The following BBS7 variants were observed in gnomAD, a reference collection of about 807,000 sequenced individuals.
BBS7 encodes BBSome complex member BBS7.
Under a neutral mutation model 90.3 loss-of-function variants are expected in BBS7, and 50 were observed. The ratio of observed to expected loss-of-function variants is 0.55; its 90% CI spans 0.44 to 0.70. The LOEUF (loss-of-function observed/expected upper bound fraction) is 0.70. Among genes scored for constraint, BBS7 ranks in the 30% least tolerant of loss-of-function variants. The probability of loss-of-function intolerance (pLI) is 0.00; values close to 1 mark genes in which losing one functional copy is unlikely to be tolerated. For synonymous variants in BBS7, 235 were observed against 287.4 expected, an observed-to-expected ratio of 0.82 and a Z score of 1.85; for missense variants, 729 against 838.9, an observed-to-expected ratio of 0.87 and a Z score of 1.62.
intron 15 of BBS7, among the ~76,000 whole-genome samples, chr4:121,829,982 T>C (rs1396376923): frequency 6.6e-6 from 1 of 152,280 alleles, no homozygotes; most frequent in African/African-American, 2.4e-5. Flanking sequence ...TGCTTGCATT[T>C]GGTTCCTTTT....
intron 15 of BBS7, 84 bp downstream of exon 15, chr4:121,833,147 C>G: frequency 7.4e-7 from 1 of 1,344,060 alleles, no homozygotes; most frequent in South Asian, 1.2e-5. Context: ...AGATTACTCA[C>G]AAATAACTCC....
intron 15 of BBS7, among the ~76,000 whole-genome samples, chr4:121,831,547 GA>G (rs1446212649): frequency 1.4e-4 from 21 of 151,986 alleles, no homozygotes; most frequent in African/African-American, 5.1e-4. Flanking sequence ...GACACAGAAT[GA>G]TAAAAGAGCA....
intron 5 of BBS7, 30 bp from the exon 6 acceptor site, chr4:121,855,591 A>G (rs1467089775): frequency 6.3e-7 from 1 of 1,580,320 alleles, no homozygotes; most frequent in Non-Finnish European, 8.7e-7. Context: ...AAACTGAAAC[A>G]GAATACAAAC....
At chr4:121,830,036 T>C (rs556568725) in intron 15 of BBS7, among the ~76,000 whole-genome samples, 7 of 152,272 alleles carry the variant, frequency 4.6e-5, no homozygotes, top group Non-Finnish European at 8.8e-5. Context: ...ATCTTTCATA[T>C]AGTTAATGTT....
At chr4:121,844,078 G>A in intron 11 of BBS7, 77 bp from the exon 12 acceptor site, 4 of 846,544 alleles carry the variant, frequency 4.7e-6, no homozygotes, top group Non-Finnish European at 7.7e-6. Context: ...TTCTCTAAGA[G>A]TTCTCCTTAG....
intron 11 of BBS7, among the ~76,000 whole-genome samples, chr4:121,844,969 A>G (rs1479780320): frequency 6.6e-6 from 1 of 152,240 alleles, no homozygotes; most frequent in Non-Finnish European, 1.5e-5. Flanking sequence ...ACTGAAGCCC[A>G]TCTTTTGTTT....
rs1023158695 is a variant in BBS7 at position 121,843,593 on chromosome 4, A to C, written c.1305+334T>G. Among the ~76,000 whole-genome samples, 3 of 152,234 alleles carry C rather than the reference A, an allele frequency of 2.0e-5. No individual in the cohort carries two copies. In the East Asian group the frequency reaches 5.8e-4, roughly 29 times the overall value. ...GGAAACGCTCATTGGAGCATTTCAG[A>C]TTTCAGATTTTCAAATTTGGGGTGC... is the stretch of plus-strand genomic sequence containing the variant. On this transcript the variant is annotated intron_variant, in intron 12 of 18. Coordinates refer to ENST00000264499, the MANE Select transcript of BBS7 (RefSeq NM_176824.3).
intron 4 of BBS7, 58 bp downstream of exon 4, chr4:121,861,446 T>C (rs769677439): frequency 1.3e-6 from 2 of 1,526,608 alleles, no homozygotes; most frequent in East Asian, 2.3e-5. Context: ...TTGCCTCACA[T>C]CTATCCAAAA....
intron 13 of BBS7, among the ~76,000 whole-genome samples, chr4:121,836,434 C>A (rs1725453138): frequency 1.3e-5 from 2 of 152,040 alleles, no homozygotes; most frequent in Non-Finnish European, 2.9e-5. Context: ...ATATTTATAT[C>A]ATTATAGATA....
At chr4:121,870,175 G>GC in intron 1 of BBS7, 103 bp downstream of exon 1, 1 of 1,491,638 alleles carries the variant, frequency 6.7e-7, no homozygotes, top group East Asian at 2.3e-5. Context: ...CTTCGCCTCC[G>GC]CACCAGCTCC....
At chr4:121,855,859 T>A (rs1323022104) in intron 5 of BBS7, among the ~76,000 whole-genome samples, 1 of 144,444 alleles carries the variant, frequency 6.9e-6, no homozygotes, top group Admixed American at 6.7e-5. Context: ...TGCACATGTA[T>A]GTGTATATAT....
At chr4:121,848,250 G>A (rs770242744) in intron 9 of BBS7, among the ~76,000 whole-genome samples, 3 of 152,006 alleles carry the variant, frequency 2.0e-5, no homozygotes, top group Non-Finnish European at 2.9e-5. Flanking sequence ...CATAGTCAAT[G>A]GTAGGCTGAA....
chr4:121,835,277 A>G lies in BBS7; in HGVS notation c.1378T>C (p.Ser460Pro). 6.2e-7 allele frequency: 1 copy of G among 1,613,770 alleles called. No homozygotes were observed. Among genetic ancestry groups the G allele is most frequent in the Non-Finnish European group, 8.5e-7 (1 of 1,179,770 alleles). Reference protein sequence around the residue: ...DTTRLELKIRSIEGQYGTLQA... With the variant: ...DTTRLELKIRPIEGQYGTLQA... ...AGTGTGCCATACTGGCCTTCAATTGAGCGAATCTGATTCAACACAAAAGAG... is the reference window on the plus strand; with the variant it reads ...AGTGTGCCATACTGGCCTTCAATTGGGCGAATCTGATTCAACACAAAAGAG... The change falls in exon 14 of 19, where the codon TCA becomes CCA. Residue 460 changes from serine to proline, a missense_variant. By Grantham distance (74) the Ser-to-Pro change is moderately conservative. Coordinates refer to ENST00000264499, the MANE Select transcript of BBS7 (RefSeq NM_176824.3).
At chr4:121,827,421 A>C (rs1355261201) in intron 18 of BBS7, among the ~76,000 whole-genome samples, 2 of 152,202 alleles carry the variant, frequency 1.3e-5, no homozygotes, top group Non-Finnish European at 2.9e-5. Flanking sequence ...TTGCTAGGTG[A>C]CAACAAATTC....
intron 8 of BBS7, 91 bp from the exon 9 acceptor site, chr4:121,849,019 G>T: frequency 1.1e-6 from 1 of 910,528 alleles, no homozygotes; most frequent in Non-Finnish European, 1.8e-6. Context: ...CCTGGCTCCA[G>T]ACATTCAACA....
intron 17 of BBS7, 47 bp downstream of exon 17, chr4:121,828,355 A>G (rs778125779): frequency 3.8e-6 from 6 of 1,589,764 alleles, no homozygotes; most frequent in South Asian, 2.2e-5. Flanking sequence ...TAGAAATCCT[A>G]TGACTTCAAA....
intron 18 of BBS7, among the ~76,000 whole-genome samples, chr4:121,826,320 C>T (rs1039321799): frequency 6.6e-6 from 1 of 152,094 alleles, no homozygotes; most frequent in Non-Finnish European, 1.5e-5. Context: ...CCAAGCTGAC[C>T]ATTTTGACAT....
At chr4:121,827,696 A>C in intron 18 of BBS7, 1 of 795,080 alleles carries the variant, frequency 1.3e-6, no homozygotes, top group South Asian at 5.7e-5. Context: ...TCACCACCAA[A>C]GTTTTGAACT....
At chr4:121,833,747 G>A (rs1578529625) in intron 14 of BBS7, among the ~76,000 whole-genome samples, 1 of 151,914 alleles carries the variant, frequency 6.6e-6, no homozygotes, top group East Asian at 1.9e-4. Flanking sequence ...GTCTTACTAT[G>A]TTGCCCAGGC....
Sources: allele counts gnomAD v4.1 joint callset (sites outside exome capture counted in the v4.1 genomes callset), GRCh38; gene constraint gnomAD v4.1.1; transcripts MANE v1.5; gene names NCBI Gene and HGNC (gene_info 2026-07-23, HGNC 2026-07-21).